Variants in PEX5L observed in about 807,000 individuals in gnomAD.
PEX5L encodes peroxisomal biogenesis factor 5 like.
A neutral mutation model predicts 84.0 loss-of-function variants in PEX5L; 30 were observed. The ratio of observed to expected loss-of-function variants is 0.36; its 90% CI spans 0.27 to 0.48. PEX5L has a LOEUF of 0.48. Ranked by LOEUF, PEX5L falls within the 20% of genes least tolerant of loss-of-function variation. PEX5L has a pLI of 0.99. For missense variants in PEX5L, 533 were observed against 754.6 expected (o/e 0.71, Z 3.44); for synonymous variants, 270 against 283.1 (o/e 0.95, Z 0.46).
intron 4 of PEX5L, among the ~76,000 whole-genome samples, chr3:179,883,784 CA>C (rs148463076): frequency 0.088 from 13,271 of 150,332 alleles, 801 homozygotes; most frequent in Non-Finnish European, 0.14. Flanking sequence ...AACTCCGTCT[CA>C]AAAAAAAATG....
At chr3:179,890,961 A>G (rs79944816) in intron 3 of PEX5L, among the ~76,000 whole-genome samples, 1 of 149,184 alleles carries the variant, frequency 6.7e-6, no homozygotes. Flanking sequence ...TACCAAAGGT[A>G]AAAAAATTTT....
At chr3:179,988,718 C>T (rs913182009) in intron 1 of PEX5L, among the ~76,000 whole-genome samples, 1 of 152,148 alleles carries the variant, frequency 6.6e-6, no homozygotes, top group African/African-American at 2.4e-5. Flanking sequence ...ATGTAAACAC[C>T]TGCTTTAGAA....
chr3:179,901,670 G>T (rs1425090297), intron 2 of PEX5L, among the ~76,000 whole-genome samples: 1 of 151,974 alleles, frequency 6.6e-6, no homozygotes, highest in Non-Finnish European at 1.5e-5. Flanking sequence ...AACATTAAGG[G>T]GAAACATTTT....
At chr3:179,940,418 T>C (rs1053991494) in intron 2 of PEX5L, among the ~76,000 whole-genome samples, 2 of 152,026 alleles carry the variant, frequency 1.3e-5, no homozygotes, top group African/African-American at 4.8e-5. Flanking sequence ...AGACGTTTAA[T>C]GAGATGGAAA....
At chr3:179,930,418 G>T (rs1772741376) in intron 2 of PEX5L, among the ~76,000 whole-genome samples, 1 of 152,130 alleles carries the variant, frequency 6.6e-6, no homozygotes, top group South Asian at 2.1e-4. Context: ...CACCCAGTCT[G>T]GCTTCTGCAG....
chr3:180,036,695 C>T lies in PEX5L; in HGVS notation c.-96G>A, dbSNP rs1304819563. 36 of 1,427,172 alleles carry T rather than the reference C, an allele frequency of 2.5e-5. No individual in the cohort carries two copies. The highest frequency in any genetic ancestry group is 9.8e-5 in the African/African-American group (7 of 71,298). 88.4% of individuals were successfully genotyped at this position (1,427,172 alleles called of 1,614,324 possible). A position where few individuals can be genotyped will look rare whatever the true frequency, so the allele number is the denominator to read the frequency against. On this transcript the variant is annotated 5_prime_UTR_variant, in exon 1 of 15. Transcript: ENST00000467460. ...AAGAGGGGAAAAGGTGGGTGCACAG[C>T]GGGTTCTCAGAGGGTGCTCCTGAGC...
intron 2 of PEX5L, among the ~76,000 whole-genome samples, chr3:179,922,457 T>C (rs1016313797): frequency 2.0e-5 from 3 of 150,858 alleles, no homozygotes; most frequent in African/African-American, 4.9e-5. Flanking sequence ...TTTTCTTTTT[T>C]TTTTTTTTTT....
chr3:179,906,884 G>A (rs1419813596), intron 2 of PEX5L, among the ~76,000 whole-genome samples: 3 of 148,372 alleles, frequency 2.0e-5, no homozygotes, highest in South Asian at 2.3e-4. Context: ...AGTAAAGCAT[G>A]AGAATCATTC....
intron 1 of PEX5L, among the ~76,000 whole-genome samples, chr3:180,010,701 T>C (rs1292446867): frequency 2.6e-5 from 4 of 151,872 alleles, no homozygotes; most frequent in East Asian, 1.9e-4. Flanking sequence ...TCTCATCTAG[T>C]ATCAATCTCA....
Position 179,808,662 on chromosome 3 carries a change from T to G in PEX5L, c.1353-225A>C, listed in dbSNP as rs183120976. On this transcript the variant is annotated intron_variant, in intron 12 of 14. Coordinates refer to ENST00000467460, the MANE Select transcript of PEX5L (RefSeq NM_016559.3). ...GTACACGGATACAGACTGTGCTAAG[T>G]AAGGTCTTCACGAGGCGAGTTCTGT... Among the ~76,000 whole-genome samples the G allele has an allele frequency of 9.7e-4, 147 of 152,268 alleles. 1 individual carries two copies. Among genetic ancestry groups the G allele is most frequent in the Admixed American group, 2.5e-3 (38 of 15,292 alleles).
At chr3:179,811,463 TA>T (rs1209170858) in intron 11 of PEX5L, among the ~76,000 whole-genome samples, 1 of 152,146 alleles carries the variant, frequency 6.6e-6, no homozygotes. Flanking sequence ...GTACTCCACT[TA>T]TTTTTTTTGA....
intron 2 of PEX5L, among the ~76,000 whole-genome samples, chr3:179,905,480 A>T (rs1387706941): frequency 6.6e-6 from 1 of 152,018 alleles, no homozygotes; most frequent in East Asian, 1.9e-4. Flanking sequence ...TCACCGTGTT[A>T]GCCAGGATGG....
At chr3:180,011,365 G>A (rs1317653832) in intron 1 of PEX5L, among the ~76,000 whole-genome samples, 2 of 152,168 alleles carry the variant, frequency 1.3e-5, no homozygotes, top group Non-Finnish European at 2.9e-5. Flanking sequence ...ATTTTAAAAT[G>A]TGTTAAATTA....
chr3:179,943,615 A>G (rs1433286484), intron 2 of PEX5L, among the ~76,000 whole-genome samples: 1 of 152,246 alleles, frequency 6.6e-6, no homozygotes, highest in African/African-American at 2.4e-5. Context: ...TGTGGTCTGC[A>G]TTCTGTGTGC....
At chr3:179,919,847 T>C (rs2109371965) in intron 2 of PEX5L, among the ~76,000 whole-genome samples, 1 of 152,178 alleles carries the variant, frequency 6.6e-6, no homozygotes, top group South Asian at 2.1e-4. Context: ...GGATTATAGG[T>C]GTGTGCCACC....
chr3:179,902,581 T>C, intron 2 of PEX5L: 3 of 409,118 alleles, frequency 7.3e-6, no homozygotes, highest in South Asian at 5.4e-5. Flanking sequence ...TCTGTAGATC[T>C]TAGTAGGTTT....
rs1260214822 is a variant in PEX5L at position 179,800,733 on chromosome 3, AC to A, written c.*1094del. 6.6e-6 allele frequency: 1 copy of A among 152,232 alleles called. No individual in the cohort carries two copies. Among genetic ancestry groups the A allele is most frequent in the Non-Finnish European group, 1.5e-5 (1 of 68,042 alleles). The allele number at this position is 152,232 out of a possible 1,614,324, so 9.4% of individuals were successfully genotyped here. A position where few individuals can be genotyped will look rare whatever the true frequency, so the allele number is the denominator to read the frequency against. On this transcript the variant is annotated 3_prime_UTR_variant, in exon 15 of 15. Coordinates refer to ENST00000467460, the MANE Select transcript of PEX5L (RefSeq NM_016559.3). ...GATGAACAGTGCAGATTATTATGAA[AC>A]TAAGAAAACATAATTTTTAGGAAAA...
At chr3:179,848,304 A>G (rs1312528283) in intron 8 of PEX5L, among the ~76,000 whole-genome samples, 2 of 152,174 alleles carry the variant, frequency 1.3e-5, no homozygotes, top group African/African-American at 4.8e-5. Context: ...CAATCCCAGC[A>G]CTTTGGAAGG....
Position 179,872,278 on chromosome 3 carries a change from T to C in PEX5L, c.726+2049A>G, listed in dbSNP as rs186474369. 2.6e-5 allele frequency among the ~76,000 whole-genome samples: 4 copies of C among 152,330 alleles called. No homozygotes were observed. In the East Asian group the frequency reaches 7.7e-4, roughly 29 times the overall value. ...GAGTGACTTGGTGTTTCAGATCTATTAAGTCCCAAATTCATGAAATTTTCC... is the reference window on the plus strand; with the variant it reads ...GAGTGACTTGGTGTTTCAGATCTATCAAGTCCCAAATTCATGAAATTTTCC... On this transcript the variant is annotated intron_variant, in intron 7 of 14. Transcript: ENST00000467460.
Sources: allele counts gnomAD v4.1 joint callset (sites outside exome capture counted in the v4.1 genomes callset), GRCh38; gene constraint gnomAD v4.1.1; transcripts MANE v1.5; gene names NCBI Gene and HGNC (gene_info 2026-07-23, HGNC 2026-07-21).